Variants in ITGB4 observed in about 807,000 individuals in gnomAD.
The protein encoded by ITGB4 is integrin subunit beta 4.
ITGB4 carries 159 observed loss-of-function variants against 207.6 expected under a neutral mutation model. The observed-to-expected ratio is 0.77, with a 90% CI of 0.67 to 0.87. ITGB4 has a LOEUF of 0.87. Ranked by LOEUF, ITGB4 falls within the 40% of genes least tolerant of loss-of-function variation. The pLI, the probability that ITGB4 is intolerant of heterozygous loss-of-function variation, is 0.00. For missense variants in ITGB4, 2,278 were observed against 2,546.8 expected (o/e 0.89, Z 2.27); for synonymous variants, 1,020 against 1,062.7 (o/e 0.96, Z 0.78).
At chr17:75,735,418 T>C (rs907111975) in intron 13 of ITGB4, among the ~76,000 whole-genome samples, 6 of 143,272 alleles carry the variant, frequency 4.2e-5, no homozygotes, top group Admixed American at 6.9e-5. Flanking sequence ...TTTTCTTTTT[T>C]TTTTTTTTTT....
At chr17:75,737,171 G>A (rs964611802) in intron 16 of ITGB4, 151 bp from the exon 17 acceptor site, 45 of 1,009,322 alleles carry the variant, frequency 4.5e-5, no homozygotes, top group Middle Eastern at 3.1e-4. Context: ...TGCCTGGTGA[G>A]AGCACGGCTT....
At position 75,750,936 on chromosome 17, in the gene ITGB4, C is replaced by T; in HGVS notation, c.3656-38C>T. 1 of 1,613,488 alleles carries T rather than the reference C, an allele frequency of 6.2e-7. No individual in the cohort carries two copies. On this transcript the variant is annotated intron_variant, in intron 29 of 39. Transcript: ENST00000200181. This position sits in a 1 kb window ranked among gnomAD's most constrained non-coding sequence, Gnocchi z 5.5. ...GCATGCCCAGACCTCCCTCCCTCTGCCACTGACAGCACTCTTCCTGTATTC... is the reference window on the plus strand; with the variant it reads ...GCATGCCCAGACCTCCCTCCCTCTGTCACTGACAGCACTCTTCCTGTATTC...
In ITGB4 at chr17:75,742,584, G is replaced by C; in HGVS notation, c.2785G>C (p.Ala929Pro). The C allele has an allele frequency of 6.2e-7, 1 of 1,613,872 alleles. No homozygotes were observed. Among genetic ancestry groups the C allele is most frequent in the South Asian group, 1.1e-5 (1 of 91,088 alleles). Residue 929 changes from alanine to proline, a missense_variant and splice_region_variant, in exon 25 of 40, where the codon GCC becomes CCC. Ala to Pro is a conservative substitution (Grantham distance 27). Transcript: ENST00000200181. The surrounding 1 kb of genome is among the most constrained non-coding windows in gnomAD (Gnocchi z 5.9). ...GYYTLTADQDARGMVEFQEGV... is the reference protein window; with the variant it reads ...GYYTLTADQDPRGMVEFQEGV... ...ACCACCTCCGAACCCCCACCCAGACGCCCGGGGCATGGTGGAGTTCCAGGA... is the reference window on the plus strand; with the variant it reads ...ACCACCTCCGAACCCCCACCCAGACCCCCGGGGCATGGTGGAGTTCCAGGA...
chr17:75,746,794 A>G (rs946893004), intron 26 of ITGB4, among the ~76,000 whole-genome samples: 13 of 151,832 alleles, frequency 8.6e-5, no homozygotes, highest in Non-Finnish European at 1.6e-4. Context: ...ACAGAAAATT[A>G]TCTGGGTGTT....
intron 13 of ITGB4, among the ~76,000 whole-genome samples, chr17:75,735,378 C>T (rs888348420): frequency 1.3e-5 from 2 of 149,318 alleles, no homozygotes; most frequent in Admixed American, 6.7e-5. Context: ...TGAGCCACCA[C>T]GCCCGGCTGA....
chr17:75,752,145 G>C, intron 30 of ITGB4, 29 bp from the exon 31 acceptor site: 1 of 1,612,024 alleles, frequency 6.2e-7, no homozygotes, highest in Non-Finnish European at 8.5e-7. Context: ...GGACCTGGGT[G>C]ACCCTCTGAA....
intron 13 of ITGB4, among the ~76,000 whole-genome samples, chr17:75,734,405 A>C (rs1231675398): frequency 2.0e-5 from 3 of 151,856 alleles, no homozygotes; most frequent in Admixed American, 2.0e-4. Context: ...CAAAGTACAC[A>C]TCTGTAATCA....
chr17:75,724,625 G>A, intron 1 of ITGB4, 69 bp from the exon 2 acceptor site: 6 of 1,162,156 alleles, frequency 5.2e-6, no homozygotes, highest in South Asian at 4.9e-5. Flanking sequence ...CAGCTGTGCA[G>A]CGAGAGGAAG....
intron 33 of ITGB4, 62 bp from the exon 34 acceptor site, chr17:75,754,514 C>G (rs1010565124): frequency 1.2e-6 from 2 of 1,608,542 alleles, no homozygotes; most frequent in East Asian, 2.2e-5. Flanking sequence ...AGGGCCCAGC[C>G]TGCCCCACGG....
chr17:75,740,130 G>C lies in ITGB4; in HGVS notation c.2446+59G>C. ...AGTGCCCTTCGGGCCCTCTGTTCCAGATCTGGGATCACAGCATGCCTCTTC... is the reference window on the plus strand; with the variant it reads ...AGTGCCCTTCGGGCCCTCTGTTCCACATCTGGGATCACAGCATGCCTCTTC... On this transcript the variant is annotated intron_variant, in intron 20 of 39. Transcript: ENST00000200181. This position sits in a 1 kb window ranked among gnomAD's most constrained non-coding sequence, Gnocchi z 5.9. 1.3e-6 allele frequency: 2 copies of C among 1,527,892 alleles called. No individual in the cohort carries two copies. Among genetic ancestry groups the C allele is most frequent in the Non-Finnish European group, 1.8e-6 (2 of 1,128,284 alleles). 94.6% of individuals were successfully genotyped at this position (1,527,892 alleles called of 1,614,324 possible).
intron 35 of ITGB4, 117 bp downstream of exon 35, chr17:75,755,967 G>T (rs1399060172): frequency 2.1e-5 from 27 of 1,276,428 alleles, no homozygotes; most frequent in Non-Finnish European, 3.0e-5. Context: ...GAGCGCTAAA[G>T]CCCCCATCCA....
chr17:75,732,238 T>C lies in ITGB4; in HGVS notation c.1453T>C (p.Trp485Arg). The change falls in exon 12 of 40, where the codon TGG becomes CGG. Residue 485 changes from tryptophan to arginine, a missense_variant and splice_region_variant. Physicochemically the swap from Trp to Arg is moderately radical, Grantham distance 101. Transcript: ENST00000200181. The surrounding 1 kb of genome is among the most constrained non-coding windows in gnomAD (Gnocchi z 5.3). ...CGGACAGTGTGTGTGCAGCGAGGGC[T>C]GGTGAGTGGGGAAGGGAGTTGGGCA... ...VCGQCVCSEG[W>R]SGQTCNCSTG... 5.6e-6 allele frequency: 9 copies of C among 1,613,910 alleles called. No individual in the cohort carries two copies. The highest frequency in any genetic ancestry group is 6.8e-6 in the Non-Finnish European group (8 of 1,179,980).
In ITGB4 at chr17:75,750,341, C is replaced by A; in HGVS notation, c.3474+73C>A. 1 of 1,490,854 alleles carries A rather than the reference C, an allele frequency of 6.7e-7. No homozygotes were observed. The highest frequency in any genetic ancestry group is 9.1e-7 in the Non-Finnish European group (1 of 1,101,128). 92.4% of individuals were successfully genotyped at this position (1,490,854 alleles called of 1,614,324 possible). A position where few individuals can be genotyped will look rare whatever the true frequency, so the allele number is the denominator to read the frequency against. On this transcript the variant is annotated intron_variant, in intron 28 of 39. Transcript: ENST00000200181. The surrounding 1 kb of genome is among the most constrained non-coding windows in gnomAD (Gnocchi z 5.5). ...ACCAGCACTCACAGAAGAGGTGGGC[C>A]GTCCAAGGCCAGGGCCCCCTGAGAG...
chr17:75,748,378 A>G (rs1268931956), intron 26 of ITGB4, among the ~76,000 whole-genome samples: 1 of 149,728 alleles, frequency 6.7e-6, no homozygotes, highest in East Asian at 2.0e-4. Flanking sequence ...AAACAAACAA[A>G]CAGAAACGTG....
In ITGB4 at chr17:75,722,006, A is replaced by G. The variant is rs1034067427; in HGVS notation, c.-11+394A>G. ...TGATAAACCAACATTCCTGACTTTTATGTGAAATTTCGTTCTTTCTAACAT... is the reference window on the plus strand; with the variant it reads ...TGATAAACCAACATTCCTGACTTTTGTGTGAAATTTCGTTCTTTCTAACAT... On this transcript the variant is annotated intron_variant, in intron 1 of 39. Coordinates refer to ENST00000200181, the MANE Select transcript of ITGB4 (RefSeq NM_000213.5). This position sits in a 1 kb window ranked among gnomAD's most constrained non-coding sequence, Gnocchi z 6.2. Among the ~76,000 whole-genome samples, 40 of 152,174 alleles carry G rather than the reference A, an allele frequency of 2.6e-4. No homozygotes were observed. Among genetic ancestry groups the G allele is most frequent in the African/African-American group, 9.2e-4 (38 of 41,442 alleles).
In ITGB4 at chr17:75,724,713, C is replaced by T. The variant is rs567076241; in HGVS notation, c.10C>T (p.Pro4Ser). Residue 4 changes from proline (P) to serine (S), a missense_variant, in exon 2 of 40, where the codon CCA becomes TCA. Coordinates refer to ENST00000200181, the MANE Select transcript of ITGB4 (RefSeq NM_000213.5). MAG[P>S]RPSPWARLLL... Reference sequence around the variant, plus strand: ...CTGCAGGAGGAAGAGGATGGCAGGGCCACGCCCCAGCCCATGGGCCAGGCT... The same window carrying T: ...CTGCAGGAGGAAGAGGATGGCAGGGTCACGCCCCAGCCCATGGGCCAGGCT... 7.4e-6 allele frequency: 12 copies of T among 1,613,242 alleles called. No homozygotes were observed. In the African/African-American group the frequency reaches 1.5e-4, roughly 20 times the overall value.
At chr17:75,734,553 G>A (rs983805648) in intron 13 of ITGB4, among the ~76,000 whole-genome samples, 4 of 152,156 alleles carry the variant, frequency 2.6e-5, no homozygotes, top group Non-Finnish European at 5.9e-5. Flanking sequence ...TCAGAGCTGG[G>A]CAGGATCACA....
At position 75,730,927 on chromosome 17, in the gene ITGB4, C is replaced by T. The variant is rs1599230534; in HGVS notation, c.1055C>T (p.Ser352Leu). Residue 352 changes from serine (S) to leucine (L), a missense_variant, in exon 9 of 40, where the codon TCG becomes TTG. Coordinates refer to ENST00000200181, the MANE Select transcript of ITGB4 (RefSeq NM_000213.5). ...TCACTGGGGGTGCTGCAGGAGGACT[C>T]GTCCAACATCGTGGAGCTGCTGGAG... Reference protein sequence around the residue: ...VSSLGVLQEDSSNIVELLEEA... With the variant: ...VSSLGVLQEDLSNIVELLEEA... 1 of 1,613,862 alleles carries T rather than the reference C, an allele frequency of 6.2e-7. No homozygotes were observed.
At chr17:75,749,790 ATACTCAGGG>A (rs1472388930) in intron 27 of ITGB4, among the ~76,000 whole-genome samples, 2 of 152,156 alleles carry the variant, frequency 1.3e-5, no homozygotes, top group African/African-American at 4.8e-5. Flanking sequence ...GAGGAGGGAG[ATACTCAGGG>A]TACAGTGTGG....
Sources: allele counts gnomAD v4.1 joint callset (sites outside exome capture counted in the v4.1 genomes callset), GRCh38; gene constraint gnomAD v4.1.1; non-coding constraint Gnocchi (gnomAD v3.1); transcripts MANE v1.5; gene names NCBI Gene and HGNC (gene_info 2026-07-23, HGNC 2026-07-21).